The following C5orf34 variants were observed in gnomAD, a reference collection of about 807,000 sequenced individuals.
C5orf34 encodes the protein chromosome 5 open reading frame 34, also known as uncharacterized protein C5orf34.
A neutral mutation model predicts 78.4 loss-of-function variants in C5orf34; 73 were observed. The ratio of observed to expected loss-of-function variants is 0.93; its 90% CI spans 0.77 to 1.13. The LOEUF is 1.13. Among genes scored for constraint, C5orf34 ranks in the 50% most tolerant of loss-of-function variants. The pLI is 0.00. For synonymous variants in C5orf34, 251 were observed against 246.6 expected (o/e 1.02, Z -0.17); for missense variants, 730 against 732.7 (o/e 1.00, Z 0.04).
At chr5:43,495,557 T>A in intron 6 of C5orf34, 1 of 1,612,396 alleles carries the variant, frequency 6.2e-7, no homozygotes, top group South Asian at 1.1e-5. Context: ...AGGAAGAGCT[T>A]CACTCAAAGC....
chr5:43,506,172 T>C lies in C5orf34; in HGVS notation c.508A>G (p.Lys170Glu). 4.3e-6 allele frequency: 7 copies of C among 1,614,242 alleles called. No individual in the cohort carries two copies. The highest frequency in any genetic ancestry group is 5.9e-6 in the Non-Finnish European group (7 of 1,180,042). Residue 170 changes from lysine to glutamate, a missense_variant, in exon 4 of 13, where the codon AAA becomes GAA. By Grantham distance (56) the Lys-to-Glu change is moderately conservative. Transcript: ENST00000306862. Reference protein sequence around the residue: ...VLSETNNKAPKDKLVEKTGKI... With the variant: ...VLSETNNKAPEDKLVEKTGKI... ...CCAGTTTTTTCAACTAGTTTATCTT[T>C]TGGGGCTTTATTATTTGTTTCTGAC...
At chr5:43,499,082 A>C (rs2112297534) in intron 6 of C5orf34, among the ~76,000 whole-genome samples, 1 of 152,334 alleles carries the variant, frequency 6.6e-6, no homozygotes. Flanking sequence ...CATTAAGAAA[A>C]TGTCACCCAA....
At position 43,508,517 on chromosome 5, in the gene C5orf34, A is replaced by C. The variant is rs564893855; in HGVS notation, c.285+60T>G. The C allele has an allele frequency of 6.2e-6, 6 of 969,672 alleles. No individual in the cohort carries two copies. The African/African-American group carries it at 9.8e-5, about 16-fold the overall frequency. The allele number at this position is 969,672 out of a possible 1,614,324, so 60.1% of individuals were successfully genotyped here. A position where few individuals can be genotyped will look rare whatever the true frequency, so the allele number is the denominator to read the frequency against. ...GGAAAAAAAGGCTAAATATTAAATT[A>C]CCTGTTTCTAGTTACTTGTCCTCAA... On this transcript the variant is annotated intron_variant, in intron 3 of 12. Transcript: ENST00000306862.
At chr5:43,507,270 TTTGCCA>T (rs368989307) in intron 3 of C5orf34, among the ~76,000 whole-genome samples, 1 of 152,350 alleles carries the variant, frequency 6.6e-6, no homozygotes, top group Non-Finnish European at 1.5e-5. Context: ...CTGAATTAAT[TTTGCCA>T]AGCATTTAGC....
rs1745708892 is a variant in C5orf34, at chr5:43,500,417, ACAGAGTCTTG to A, written c.1152+1945_1152+1954del. On this transcript the variant is annotated intron_variant, in intron 6 of 12. Transcript: ENST00000306862. ...TTTTAATTAAAAAAATTTTTTTGAG[ACAGAGTCTTG>A]CTCTGTCTCCTAGACTGGTGTGCAG... is the stretch of plus-strand genomic sequence containing the variant. 2.5e-4 allele frequency among the ~76,000 whole-genome samples: 38 copies of A among 152,170 alleles called. 1 individual carries two copies. In the South Asian group the frequency reaches 5.4e-3, roughly 22 times the overall value.
chr5:43,513,125 C>A (rs1470989495), intron 1 of C5orf34, among the ~76,000 whole-genome samples: 1 of 152,092 alleles, frequency 6.6e-6, no homozygotes, highest in African/African-American at 2.4e-5. Flanking sequence ...TGTATGTAAT[C>A]AGCTGTAGGT....
chr5:43,507,191 CAAGT>C lies in C5orf34; in HGVS notation c.286-801_286-798del, dbSNP rs574796431. ...ATTCTGACTAATAAAAGACTCATAA[CAAGT>C]AACAGTGTTGATTGTGACTTTTCAT... is the stretch of plus-strand genomic sequence containing the variant. On this transcript the variant is annotated intron_variant, in intron 3 of 12. Coordinates refer to ENST00000306862, the MANE Select transcript of C5orf34 (RefSeq NM_198566.4). Among the ~76,000 whole-genome samples, 57 of 152,242 alleles carry C rather than the reference CAAGT, an allele frequency of 3.7e-4. 1 individual carries two copies. The South Asian group carries it at 0.011, about 30-fold the overall frequency.
chr5:43,488,118 T>G, intron 11 of C5orf34, 169 bp from the exon 12 acceptor site: 1 of 593,630 alleles, frequency 1.7e-6, no homozygotes, highest in South Asian at 2.1e-5. Flanking sequence ...TTGACTCAAC[T>G]GATACTTACT....
rs369185627 is a variant in C5orf34 at position 43,511,085 on chromosome 5, G to A, written c.-36-1710C>T. On this transcript the variant is annotated intron_variant, in intron 1 of 12. Transcript: ENST00000306862. ...CTGGGATGTGAGGAGCGCCTCTGCC[G>A]GGCCGCGACCCCATCTGGGAGATGA... 28 of 126,744 alleles carry A rather than the reference G, an allele frequency of 2.2e-4. No individual in the cohort carries two copies. In the East Asian group the frequency reaches 4.2e-3, roughly 19 times the overall value. The allele number at this position is 126,744 out of a possible 1,614,324, so 7.9% of individuals were successfully genotyped here.
chr5:43,511,771 G>A (rs1746271056), intron 1 of C5orf34, among the ~76,000 whole-genome samples: 2 of 152,224 alleles, frequency 1.3e-5, no homozygotes, highest in Non-Finnish European at 2.9e-5. Context: ...TGTCCACTCA[G>A]GGTTAAATGG....
chr5:43,501,034 C>T (rs996313310), intron 6 of C5orf34, among the ~76,000 whole-genome samples: 6 of 152,164 alleles, frequency 3.9e-5, no homozygotes, highest in Non-Finnish European at 8.8e-5. Flanking sequence ...CAAGGCAGTC[C>T]ACCACAAATG....
intron 6 of C5orf34, chr5:43,495,347 T>C (rs1385379334): frequency 3.0e-5 from 48 of 1,611,672 alleles, no homozygotes; most frequent in Middle Eastern, 2.2e-4. Context: ...CTCAGCAAAC[T>C]TGCATGCAAT....
rs567576788 is a variant in C5orf34 at position 43,493,922 on chromosome 5, A to G, written c.1245-310T>C. ...ATTCACACTGCCTGGAAAGTTTCACATAGGCTAAAAATGGTAGGGATGTGA... is the reference window on the plus strand; with the variant it reads ...ATTCACACTGCCTGGAAAGTTTCACGTAGGCTAAAAATGGTAGGGATGTGA... On this transcript the variant is annotated intron_variant, in intron 7 of 12. Transcript: ENST00000306862. Among the ~76,000 whole-genome samples the G allele has an allele frequency of 3.3e-5, 5 of 152,284 alleles. 1 individual carries two copies. The highest frequency in any genetic ancestry group is 1.2e-4 in the African/African-American group (5 of 41,572).
intron 6 of C5orf34, among the ~76,000 whole-genome samples, chr5:43,501,885 TAAGACTATGGGCTGGTAATTA>T (rs1745773696): frequency 6.6e-6 from 1 of 152,204 alleles, no homozygotes; most frequent in Non-Finnish European, 1.5e-5. Flanking sequence ...TTGACATTAT[TAAGACTATGGGCTGGTAATTA>T]TACCATGTTA....
In C5orf34 at chr5:43,506,060, T is replaced by G; in HGVS notation, c.620A>C (p.Glu207Ala). 1 of 1,614,206 alleles carries G rather than the reference T, an allele frequency of 6.2e-7. No homozygotes were observed. Among genetic ancestry groups the G allele is most frequent in the East Asian group, 2.2e-5 (1 of 44,890 alleles). Residue 207 changes from glutamate (E) to alanine (A), a missense_variant, in exon 4 of 13, where the codon GAA (glutamate) becomes GCA (alanine). Coordinates refer to ENST00000306862, the MANE Select transcript of C5orf34 (RefSeq NM_198566.4). ...TACACAACTCATCTTCTTTAAAGTT[T>G]CTTTGGATTTCATGATCTGGCAATG... The part of the protein sequence containing the change: ...EFHCQIMKSK[E>A]TLKKMSCVNG...
rs759309101 is a variant in C5orf34 at position 43,492,803 on chromosome 5, C to T, written c.1402G>A (p.Asp468Asn). The change falls in exon 9 of 13, where the codon GAT (aspartate) becomes AAT (asparagine). Residue 468 changes from aspartate to asparagine, a missense_variant. Asp to Asn is a conservative substitution (Grantham distance 23, BLOSUM62 1). Coordinates refer to ENST00000306862, the MANE Select transcript of C5orf34 (RefSeq NM_198566.4). ...PSVGRFLAYS[D>N]DKVHAIFLDG... is the part of the protein sequence containing the mutation. ...AAAAAGATAGCATGTACTTTGTCAT[C>T]AGAGTAGGCAAGAAATCTTCCCACA... The T allele has an allele frequency of 6.2e-7, 1 of 1,612,996 alleles. No homozygotes were observed. Among genetic ancestry groups the T allele is most frequent in the African/African-American group, 1.3e-5 (1 of 74,890 alleles).
At chr5:43,512,741 C>G (rs1746323363) in intron 1 of C5orf34, among the ~76,000 whole-genome samples, 1 of 135,660 alleles carries the variant, frequency 7.4e-6, no homozygotes, top group Non-Finnish European at 1.5e-5. Context: ...ACTGATGTCA[C>G]TTTTATGCCC....
intron 1 of C5orf34, among the ~76,000 whole-genome samples, chr5:43,513,338 A>G (rs1250665448): frequency 6.6e-6 from 1 of 152,174 alleles, no homozygotes; most frequent in Non-Finnish European, 1.5e-5. Flanking sequence ...CAAACTCAAC[A>G]TAACTAAAAT....
chr5:43,510,194 G>A (rs1282919142), intron 1 of C5orf34, among the ~76,000 whole-genome samples: 1 of 152,110 alleles, frequency 6.6e-6, no homozygotes. Context: ...GTAACTATTA[G>A]GCCTATGGGA....
Sources: allele counts gnomAD v4.1 joint callset (sites outside exome capture counted in the v4.1 genomes callset), GRCh38; gene constraint gnomAD v4.1.1; transcripts MANE v1.5; gene names NCBI Gene and HGNC (gene_info 2026-07-23, HGNC 2026-07-21).